Variants in KIF17 observed in about 807,000 individuals in gnomAD.
KIF17 encodes kinesin family member 17, also known as kinesin-like protein KIF17.
A neutral mutation model predicts 96.8 loss-of-function variants in KIF17; 80 were observed. The ratio of observed to expected loss-of-function variants is 0.83; its 90% confidence interval spans 0.69 to 1.00. The LOEUF (loss-of-function observed/expected upper bound fraction) is 1.00. KIF17 is among the 50% of genes least tolerant of loss of function. The probability of loss-of-function intolerance (pLI) is 0.00; values close to 1 mark genes in which losing one functional copy is unlikely to be tolerated. For missense variants in KIF17, 1,280 were observed against 1,372.9 expected, an observed-to-expected ratio of 0.93 and a Z score of 1.07; for synonymous variants, 567 against 587.5, an observed-to-expected ratio of 0.97 and a Z score of 0.51.
At chr1:20,706,964 C>T (rs1331097579) in intron 4 of KIF17, among the ~76,000 whole-genome samples, 5 of 151,736 alleles carry the variant, frequency 3.3e-5, no homozygotes, top group African/African-American at 4.8e-5. Context: ...TGTGTAGTGT[C>T]GTGTGCCTGT....
rs1018931046 is a variant in KIF17 at position 20,699,704 on chromosome 1, G to A, written c.1124-1216C>T. On this transcript the variant is annotated intron_variant, in intron 5 of 14. Transcript: ENST00000400463. The surrounding 1 kb of genome is among the most constrained non-coding windows in gnomAD (Gnocchi z 4.3). ...AGACAGGGGGAGCTTGCTAGACAGG[G>A]GGAGCGGTGAGTGCGAGGGCCCTGA... Among the ~76,000 whole-genome samples, 1 of 152,216 alleles carries A rather than the reference G, an allele frequency of 6.6e-6. No individual in the cohort carries two copies. The highest frequency in any genetic ancestry group is 2.4e-5 in the African/African-American group (1 of 41,456).
chr1:20,707,781 A>ATGTGTG lies in KIF17; in HGVS notation c.670+1857_670+1858insCACACA, dbSNP rs1436276510. On this transcript the variant is annotated intron_variant, in intron 4 of 14. Coordinates refer to ENST00000400463, the MANE Select transcript of KIF17 (RefSeq NM_001122819.3). ...CTGTCTCAAAAAAAAAAACAAACCA[A>ATGTGTG]TGTGTATGTGTGTGTGTGTGTGTGT... is the stretch of plus-strand genomic sequence containing the variant. Among the ~76,000 whole-genome samples the ATGTGTG allele has an allele frequency of 3.8e-3, 348 of 90,926 alleles. 6 individuals carry two copies. The highest frequency in any genetic ancestry group is 0.016 in the African/African-American group (317 of 19,948). 59.7% of individuals were successfully genotyped at this position (90,926 alleles called of 152,430 possible).
chr1:20,685,864 T>C lies in KIF17; in HGVS notation c.2019+182A>G, dbSNP rs113845225. The stretch of plus-strand genomic sequence containing the variant: ...CCACTTTCACTCCATAAGAAGAAGA[T>C]GATGGTTCCTCCCACTGCACACTGC... On this transcript the variant is annotated intron_variant, in intron 9 of 14. Coordinates refer to ENST00000400463, the MANE Select transcript of KIF17 (RefSeq NM_001122819.3). The surrounding 1 kb of genome is among the most constrained non-coding windows in gnomAD (Gnocchi z 4.1). Among the ~76,000 whole-genome samples the C allele has an allele frequency of 2.3e-4, 35 of 152,276 alleles. No individual in the cohort carries two copies. Among genetic ancestry groups the C allele is most frequent in the African/African-American group, 8.4e-4 (35 of 41,564 alleles).
chr1:20,677,954 A>G (rs2053767282), intron 11 of KIF17, among the ~76,000 whole-genome samples: 1 of 152,252 alleles, frequency 6.6e-6, no homozygotes, highest in Admixed American at 6.5e-5. Flanking sequence ...GAAAGCGTGC[A>G]CTAGAGCTAC....
At chr1:20,701,799 C>A (rs559796230) in intron 5 of KIF17, among the ~76,000 whole-genome samples, 32 of 152,220 alleles carry the variant, frequency 2.1e-4, no homozygotes, top group African/African-American at 6.0e-4. Context: ...CCATCGGTGA[C>A]AAGGACAACG....
chr1:20,664,801 CG>C, intron 14 of KIF17, 39 bp from the exon 15 acceptor site: 2 of 1,589,564 alleles, frequency 1.3e-6, no homozygotes, highest in Non-Finnish European at 1.7e-6. Context: ...AAGCCAGGAG[CG>C]CAGGGATGGA....
At position 20,684,597 on chromosome 1, in the gene KIF17, C is replaced by G. The variant is rs563275320; in HGVS notation, c.2231+212G>C. 1.4e-3 allele frequency among the ~76,000 whole-genome samples: 216 copies of G among 152,304 alleles called. 2 individuals are homozygous for G. Among genetic ancestry groups the G allele is most frequent in the Admixed American group, 7.8e-4 (12 of 15,300 alleles). ...GGGACTCCTGAAACCTGAAGGCCAG[C>G]AGGCCTGACAAGGGATGCTGGTGGC... is the stretch of plus-strand genomic sequence containing the variant. On this transcript the variant is annotated intron_variant, in intron 10 of 14. Transcript: ENST00000400463.
intron 13 of KIF17, 36 bp downstream of exon 13, chr1:20,670,385 C>A (rs1315574528): frequency 6.3e-7 from 1 of 1,599,660 alleles, no homozygotes; most frequent in East Asian, 2.2e-5. Context: ...GCCCTCCCAG[C>A]CCCCGACACC....
At chr1:20,669,864 CAAAAAAAAAAAAAAAAAAA>C (rs61673996) in intron 13 of KIF17, among the ~76,000 whole-genome samples, 291 of 18,386 alleles carry the variant, frequency 0.016, no homozygotes, top group Non-Finnish European at 0.025. Context: ...GACTCCATCT[CAAAAAAAAAAAAAAAAAAA>C]AAAAAAAAAA....
intron 4 of KIF17, among the ~76,000 whole-genome samples, chr1:20,705,446 C>T (rs765897407): frequency 1.3e-5 from 2 of 152,184 alleles, no homozygotes; most frequent in African/African-American, 2.4e-5. Flanking sequence ...CCCATGGTTC[C>T]CCATTAGGGT....
chr1:20,676,849 AAAC>A (rs796138194), intron 11 of KIF17, among the ~76,000 whole-genome samples: 9 of 152,028 alleles, frequency 5.9e-5, no homozygotes, highest in Non-Finnish European at 1.0e-4. Context: ...AAAATAAAAT[AAAC>A]AACAACAACA....
chr1:20,689,787 C>A (rs923150557), intron 7 of KIF17, among the ~76,000 whole-genome samples: 1 of 127,394 alleles, frequency 7.8e-6, no homozygotes, highest in Admixed American at 8.0e-5. Flanking sequence ...AAGAGGAGAC[C>A]GGAAAACACA....
At chr1:20,666,019 G>T (rs1016921444) in intron 14 of KIF17, among the ~76,000 whole-genome samples, 195 bp downstream of exon 14, 5 of 152,212 alleles carry the variant, frequency 3.3e-5, no homozygotes, top group Non-Finnish European at 7.3e-5. Flanking sequence ...CCAGCGCCCG[G>T]GCTGGGCCGT....
At position 20,687,709 on chromosome 1, in the gene KIF17, A is replaced by G. The variant is rs115071410; in HGVS notation, c.1617T>C (p.Ser539=). The G allele has an allele frequency of 1.2e-6, 2 of 1,614,186 alleles. No individual in the cohort carries two copies. Among genetic ancestry groups the G allele is most frequent in the Non-Finnish European group, 1.7e-6 (2 of 1,180,022 alleles). The change falls in exon 8 of 15, where the codon AGT becomes AGC. Residue 539 remains serine, a synonymous_variant. Transcript: ENST00000400463. This position sits in a 1 kb window ranked among gnomAD's most constrained non-coding sequence, Gnocchi z 4.4. ...AGGTTTCTTCGAGCGAGGATGACTCACTGGAGCCCAGAGAAATCTCAGATT... is the reference window on the plus strand; with the variant it reads ...AGGTTTCTTCGAGCGAGGATGACTCGCTGGAGCCCAGAGAAATCTCAGATT... ...PSKSEISLGS[S]ESSSLEETSV...
At chr1:20,714,146 T>C (rs375315096) in intron 2 of KIF17, among the ~76,000 whole-genome samples, 4 of 152,136 alleles carry the variant, frequency 2.6e-5, no homozygotes, top group African/African-American at 9.6e-5. Context: ...GCTAACACGG[T>C]GAAACCCTGT....
chr1:20,684,102 T>C (rs1448434544), intron 10 of KIF17, among the ~76,000 whole-genome samples: 3 of 152,178 alleles, frequency 2.0e-5, no homozygotes, highest in African/African-American at 7.2e-5. Context: ...CACAGAGAGG[T>C]TGCAAGTTGG....
chr1:20,698,650 A>G (rs1176311477), intron 5 of KIF17, among the ~76,000 whole-genome samples, 162 bp from the exon 6 acceptor site: 4 of 152,228 alleles, frequency 2.6e-5, no homozygotes, highest in Non-Finnish European at 5.9e-5. Flanking sequence ...TAGTCATCCA[A>G]CAAATATTTA....
rs1557608627 is a variant in KIF17 at position 20,714,696 on chromosome 1, C to G, written c.378+797G>C. ...CCTGTAATCCCAGCTACTCGGGAAG[C>G]TGAGGCAGGAGAATTGCTTGAATCT... On this transcript the variant is annotated intron_variant, in intron 2 of 14. Transcript: ENST00000400463. Among the ~76,000 whole-genome samples the G allele has an allele frequency of 2.0e-5, 3 of 149,038 alleles. No individual in the cohort carries two copies. In the South Asian group the frequency reaches 6.4e-4, roughly 32 times the overall value.
At chr1:20,689,576 G>A (rs11584483) in intron 7 of KIF17, among the ~76,000 whole-genome samples, 6 of 152,084 alleles carry the variant, frequency 3.9e-5, no homozygotes, top group African/African-American at 1.4e-4. Flanking sequence ...GCTTAAATCC[G>A]GGATGGGGAG....
Sources: gnomAD v4.1 joint callset for allele counts (sites outside exome capture counted in the v4.1 genomes callset) on GRCh38, gnomAD v4.1.1 for gene constraint, Gnocchi (gnomAD v3.1) non-coding constraint, MANE v1.5 for transcripts, NCBI Gene and HGNC (gene_info 2026-07-23, HGNC 2026-07-21) for gene names.